Variants in CTCF observed in about 807,000 individuals in gnomAD.
CTCF encodes the protein transcriptional repressor CTCF.
CTCF carries 7 observed loss-of-function variants against 72.3 expected under a neutral mutation model. The observed-to-expected ratio is 0.10, with a 90% CI of 0.06 to 0.18. CTCF has a LOEUF of 0.18. Ranked by LOEUF, CTCF falls within the 10% of genes least tolerant of loss-of-function variation. CTCF has a pLI of 1.00. For synonymous variants in CTCF, 374 were observed against 315.8 expected (o/e 1.18, Z -1.95); for missense variants, 516 against 949.1 (o/e 0.54, Z 6.00).
intron 2 of CTCF, among the ~76,000 whole-genome samples, chr16:67,585,453 C>G (rs1410627571): frequency 6.6e-6 from 1 of 152,224 alleles, no homozygotes; most frequent in Non-Finnish European, 1.5e-5. Context: ...TAGGCTCTGA[C>G]TGAAGATAAT....
rs577676116 is a variant in CTCF at position 67,608,180 on chromosome 16, C to T, written c.-9-2644C>T. ...TCTACTAAAAATACAAAAAATTAGC[C>T]GGGCATGGTGGTGGGCGCCTGTAGT... is the stretch of plus-strand genomic sequence containing the variant. On this transcript the variant is annotated intron_variant, in intron 2 of 11. Coordinates refer to ENST00000264010, the MANE Select transcript of CTCF (RefSeq NM_006565.4). Among the ~76,000 whole-genome samples, 13 of 151,616 alleles carry T rather than the reference C, an allele frequency of 8.6e-5. No homozygotes were observed. In the East Asian group the frequency reaches 9.7e-4, roughly 11 times the overall value.
intron 1 of CTCF, among the ~76,000 whole-genome samples, chr16:67,568,797 G>A (rs2051374595): frequency 1.3e-5 from 2 of 151,964 alleles, no homozygotes; most frequent in African/African-American, 4.8e-5. Flanking sequence ...TCAAAGTGCT[G>A]GATTGCTGGT....
intron 2 of CTCF, among the ~76,000 whole-genome samples, chr16:67,575,417 C>G (rs1171781580): frequency 6.6e-6 from 1 of 151,942 alleles, no homozygotes; most frequent in Non-Finnish European, 1.5e-5. Context: ...CAGGGCAGTT[C>G]TATTAGAGGT....
chr16:67,636,273 G>A (rs1288117232), intron 10 of CTCF, among the ~76,000 whole-genome samples: 1 of 152,062 alleles, frequency 6.6e-6, no homozygotes, highest in African/African-American at 2.4e-5. Flanking sequence ...CTACTCAGGA[G>A]GCTGAGACAG....
At chr16:67,601,223 T>G (rs1053781223) in intron 2 of CTCF, among the ~76,000 whole-genome samples, 1 of 137,850 alleles carries the variant, frequency 7.3e-6, no homozygotes, top group Non-Finnish European at 1.6e-5. Flanking sequence ...AAGGGGTGTG[T>G]GTGTGTGTGT....
At chr16:67,637,598 T>A in intron 11 of CTCF, 90 bp from the exon 12 acceptor site, 1 of 1,073,866 alleles carries the variant, frequency 9.3e-7, no homozygotes, top group Non-Finnish European at 1.4e-6. Flanking sequence ...CCTGCATTGC[T>A]GACATCCCGT....
chr16:67,612,867 G>A (rs1169053850), intron 4 of CTCF, among the ~76,000 whole-genome samples: 1 of 152,108 alleles, frequency 6.6e-6, no homozygotes, highest in Non-Finnish European at 1.5e-5. Context: ...AAACCTGGGA[G>A]GCAGACACTG....
At chr16:67,597,016 GT>G (rs915215029) in intron 2 of CTCF, among the ~76,000 whole-genome samples, 62 of 152,028 alleles carry the variant, frequency 4.1e-4, no homozygotes, top group African/African-American at 1.4e-3. Flanking sequence ...TCTTTTTAAA[GT>G]TTTGTGTGTG....
intron 1 of CTCF, among the ~76,000 whole-genome samples, chr16:67,565,622 G>A (rs942075249): frequency 1.4e-5 from 2 of 148,086 alleles, no homozygotes; most frequent in African/African-American, 5.0e-5. Flanking sequence ...GCAGTGAGCC[G>A]AGATTGTGCT....
chr16:67,565,673 CAAAAAAAA>C (rs201956341), intron 1 of CTCF, among the ~76,000 whole-genome samples: 2 of 62,108 alleles, frequency 3.2e-5, no homozygotes, highest in Non-Finnish European at 7.0e-5. Flanking sequence ...ACTCTTATCT[CAAAAAAAA>C]AAAAAAAAAA....
intron 2 of CTCF, among the ~76,000 whole-genome samples, chr16:67,600,845 C>T (rs1236021973): frequency 2.0e-5 from 3 of 151,958 alleles, no homozygotes; most frequent in Non-Finnish European, 2.9e-5. Flanking sequence ...AAAAATGTGT[C>T]CTGTAAGTAA....
chr16:67,608,821 C>T (rs1028005324), intron 2 of CTCF, among the ~76,000 whole-genome samples: 1 of 151,974 alleles, frequency 6.6e-6, no homozygotes, highest in Non-Finnish European at 1.5e-5. Context: ...TCACCGCAAC[C>T]TCCACCTCCC....
At chr16:67,581,577 C>T (rs992717458) in intron 2 of CTCF, among the ~76,000 whole-genome samples, 1 of 152,034 alleles carries the variant, frequency 6.6e-6, no homozygotes, top group East Asian at 1.9e-4. Flanking sequence ...GATCTTGGCT[C>T]GCTACAACCT....
chr16:67,630,737 G>C (rs566566940), intron 10 of CTCF, among the ~76,000 whole-genome samples: 1 of 151,880 alleles, frequency 6.6e-6, no homozygotes, highest in East Asian at 1.9e-4. Context: ...TCTGGTGGTC[G>C]AAGTGAGACC....
chr16:67,587,404 A>G (rs1305961310), intron 2 of CTCF, among the ~76,000 whole-genome samples: 2 of 152,114 alleles, frequency 1.3e-5, no homozygotes, highest in African/African-American at 2.4e-5. Context: ...CCCTTTACCA[A>G]ATAAAAGTTG....
rs998272050 is a variant in CTCF at position 67,612,284 on chromosome 16, A to G, written c.952+163A>G. The G allele has an allele frequency of 1.5e-5, 9 of 580,688 alleles. No homozygotes were observed. In the African/African-American group the frequency reaches 1.7e-4, roughly 11 times the overall value. The allele number at this position is 580,688 out of a possible 1,614,324, so 36.0% of individuals were successfully genotyped here. A position where few individuals can be genotyped will look rare whatever the true frequency, so the allele number is the denominator to read the frequency against. On this transcript the variant is annotated intron_variant, in intron 4 of 11. Transcript: ENST00000264010. ...TTATTGTAAGCACTTGGACTTAGTT[A>G]TTATAGACAAATGTAAAGAAAATTT... is the stretch of plus-strand genomic sequence containing the variant.
At chr16:67,576,446 C>A (rs973351846) in intron 2 of CTCF, among the ~76,000 whole-genome samples, 5 of 148,652 alleles carry the variant, frequency 3.4e-5, no homozygotes, top group African/African-American at 1.2e-4. Context: ...AATGCAAATA[C>A]TTTTTTTCTT....
At chr16:67,579,349 GTTTT>G (rs529499940) in intron 2 of CTCF, among the ~76,000 whole-genome samples, 2 of 149,680 alleles carry the variant, frequency 1.3e-5, no homozygotes, top group African/African-American at 4.9e-5. Context: ...TTCAATCTTT[GTTTT>G]TTTTTGTTTT....
intron 2 of CTCF, among the ~76,000 whole-genome samples, chr16:67,577,549 C>T (rs1171877308): frequency 2.6e-5 from 4 of 151,052 alleles, no homozygotes; most frequent in South Asian, 2.1e-4. Flanking sequence ...GTCATTCCCC[C>T]GCCTCAGCCT....
Sources: gnomAD v4.1 joint callset for allele counts (sites outside exome capture counted in the v4.1 genomes callset) on GRCh38, gnomAD v4.1.1 for gene constraint, MANE v1.5 for transcripts, NCBI Gene and HGNC (gene_info 2026-07-23, HGNC 2026-07-21) for gene names.